Variants in ICMT observed in about 807,000 individuals in gnomAD.
The protein encoded by ICMT is protein-S-isoprenylcysteine O-methyltransferase.
A neutral mutation model predicts 32.2 loss-of-function variants in ICMT; 10 were observed. That is an observed-to-expected ratio of 0.31 (90% CI 0.19 to 0.53). ICMT has a LOEUF of 0.53. Ranked by LOEUF, ICMT falls within the 20% of genes least tolerant of loss-of-function variation. The probability of loss-of-function intolerance (pLI) is 0.96; values close to 1 mark genes in which losing one functional copy is unlikely to be tolerated. For missense variants in ICMT, 265 were observed against 356.9 expected (o/e 0.74, Z 2.07); for synonymous variants, 183 against 158.2 (o/e 1.16, Z -1.18).
chr1:6,233,655 C>A lies in ICMT; in HGVS notation c.285-12G>T, dbSNP rs995872469. ...GGGAGCACATGTACCTATTTAAAGACAAAAAGAGAGTTAAGTTGGGACAAG... is the reference window on the plus strand; with the variant it reads ...GGGAGCACATGTACCTATTTAAAGAAAAAAAGAGAGTTAAGTTGGGACAAG... On this transcript the variant is annotated splice_polypyrimidine_tract_variant and intron_variant, in intron 2 of 4. Coordinates refer to ENST00000343813, the MANE Select transcript of ICMT (RefSeq NM_012405.4). 3 of 1,601,930 alleles carry A rather than the reference C, an allele frequency of 1.9e-6. No homozygotes were observed. Among genetic ancestry groups the A allele is most frequent in the African/African-American group, 1.4e-5 (1 of 74,038 alleles).
intron 4 of ICMT, among the ~76,000 whole-genome samples, chr1:6,225,564 C>T (rs2100960032): frequency 6.6e-6 from 1 of 152,230 alleles, no homozygotes; most frequent in African/African-American, 2.4e-5. Context: ...TGTGAGCTCC[C>T]CAACATGAGG....
rs1668617535 is a variant in ICMT at position 6,224,775 on chromosome 1, G to C, written c.*305C>G. On this transcript the variant is annotated 3_prime_UTR_variant, in exon 5 of 5. Transcript: ENST00000343813. Reference sequence around the variant, plus strand: ...TCCTTTACTTACACTCTGGCCTCGGGGGCAGTGGCGTGTGGCCTCGGTCCT... The same window carrying C: ...TCCTTTACTTACACTCTGGCCTCGGCGGCAGTGGCGTGTGGCCTCGGTCCT... The C allele has an allele frequency of 3.2e-6, 1 of 310,100 alleles. No homozygotes were observed. The highest frequency in any genetic ancestry group is 5.9e-6 in the Non-Finnish European group (1 of 169,990). The allele number at this position is 310,100 out of a possible 1,614,324, so 19.2% of individuals were successfully genotyped here.
At chr1:6,226,974 G>A (rs985467532) in intron 4 of ICMT, among the ~76,000 whole-genome samples, 3 of 152,196 alleles carry the variant, frequency 2.0e-5, no homozygotes, top group Non-Finnish European at 4.4e-5. Context: ...CCTCACATCT[G>A]GCATAGCTTG....
chr1:6,230,210 G>A lies in ICMT; in HGVS notation c.672+1692C>T, dbSNP rs551490766. On this transcript the variant is annotated intron_variant, in intron 4 of 4. Transcript: ENST00000343813. ...GCTCACTGCAACCTCCACCTCCCAG[G>A]TTCAAGCGGTTCTCAGGTCTCAGCC... 2.6e-5 allele frequency among the ~76,000 whole-genome samples: 4 copies of A among 152,128 alleles called. No homozygotes were observed. In the South Asian group the frequency reaches 8.3e-4, roughly 32 times the overall value.
At position 6,225,007 on chromosome 1, in the gene ICMT, C is replaced by A; in HGVS notation, c.*73G>T. The A allele has an allele frequency of 7.8e-7, 1 of 1,280,404 alleles. No homozygotes were observed. Among genetic ancestry groups the A allele is most frequent in the Middle Eastern group, 2.3e-4 (1 of 4,256 alleles). The allele number at this position is 1,280,404 out of a possible 1,614,324, so 79.3% of individuals were successfully genotyped here. ...ACGATTAAGAAAATCCATGTGGCAG[C>A]GGCCAACCGGAAACAGTTTTGTCCC... On this transcript the variant is annotated 3_prime_UTR_variant, in exon 5 of 5. Transcript: ENST00000343813.
chr1:6,232,677 TA>T (rs1274001782), intron 3 of ICMT, among the ~76,000 whole-genome samples: 1 of 152,084 alleles, frequency 6.6e-6, no homozygotes, highest in Non-Finnish European at 1.5e-5. Context: ...GCCTCCCAAG[TA>T]GCTAGAATTA....
chr1:6,232,143 CACACGGGGAGTGAAA>C (rs1668748202), intron 3 of ICMT, 24 bp from the exon 4 acceptor site: 3 of 1,581,486 alleles, frequency 1.9e-6, no homozygotes, highest in Non-Finnish European at 2.6e-6. Context: ...ACATCAACGA[CACACGGGGAGTGAAA>C]ACACTGGCCT....
rs1668602184 is a variant in ICMT at position 6,223,982 on chromosome 1, A to G, written c.*1098T>C. The G allele has an allele frequency of 6.6e-6, 1 of 152,198 alleles. No individual in the cohort carries two copies. The allele number at this position is 152,198 out of a possible 1,614,324, so 9.4% of individuals were successfully genotyped here. A position where few individuals can be genotyped will look rare whatever the true frequency, so the allele number is the denominator to read the frequency against. ...CTTGCAAAACAAACATACTGACTGA[A>G]TCTTAGTTGGGACTATTTGCAGTAT... On this transcript the variant is annotated 3_prime_UTR_variant, in exon 5 of 5. Coordinates refer to ENST00000343813, the MANE Select transcript of ICMT (RefSeq NM_012405.4).
chr1:6,230,399 G>A (rs1045512982), intron 4 of ICMT, among the ~76,000 whole-genome samples: 4 of 152,026 alleles, frequency 2.6e-5, no homozygotes, highest in Non-Finnish European at 5.9e-5. Context: ...ACAGGCAACC[G>A]TCCAGGAGAA....
At chr1:6,233,439 T>C in intron 3 of ICMT, 35 bp downstream of exon 3, 1 of 1,584,710 alleles carries the variant, frequency 6.3e-7, no homozygotes, top group Non-Finnish European at 8.6e-7. Context: ...GAGCCACCCT[T>C]TTCCCCTCCA....
chr1:6,226,337 A>C (rs1668644812), intron 4 of ICMT, among the ~76,000 whole-genome samples: 1 of 152,146 alleles, frequency 6.6e-6, no homozygotes, highest in African/African-American at 2.4e-5. Flanking sequence ...CAGAGGTTGC[A>C]GTGAGCTGAG....
rs925722400 is a variant in ICMT at position 6,235,470 on chromosome 1, G to A, written c.195+247C>T. Among the ~76,000 whole-genome samples, 5 of 152,098 alleles carry A rather than the reference G, an allele frequency of 3.3e-5. 1 individual carries two copies. In the East Asian group the frequency reaches 9.7e-4, roughly 29 times the overall value. On this transcript the variant is annotated intron_variant, in intron 1 of 4. Transcript: ENST00000343813. ...CACCTTAAGTTACATAAAAGCACTC[G>A]CGGGCTCGCTCACTCCACCCCACGC...
chr1:6,234,205 C>T (rs1668780031), intron 2 of ICMT, among the ~76,000 whole-genome samples: 1 of 152,154 alleles, frequency 6.6e-6, no homozygotes. Context: ...ACAGGCAAAA[C>T]AAACCCATAG....
At chr1:6,229,838 G>A (rs1668705890) in intron 4 of ICMT, among the ~76,000 whole-genome samples, 1 of 151,142 alleles carries the variant, frequency 6.6e-6, no homozygotes, top group African/African-American at 2.4e-5. Context: ...AGCAGGTGCA[G>A]TGGCTCACAC....
intron 4 of ICMT, among the ~76,000 whole-genome samples, chr1:6,226,714 C>T (rs566242748): frequency 8.5e-5 from 13 of 152,282 alleles, no homozygotes; most frequent in South Asian, 6.2e-4. Context: ...TTTGAGGGCA[C>T]GCTACTATCC....
chr1:6,232,305 T>A (rs1219311884), intron 3 of ICMT, among the ~76,000 whole-genome samples, 186 bp from the exon 4 acceptor site: 1 of 152,244 alleles, frequency 6.6e-6, no homozygotes, highest in African/African-American at 2.4e-5. Context: ...ATGCTGTTCA[T>A]CAATTTACTT....
chr1:6,235,951 T>TAGACCGGAGAAACGCGCCGGCTGC lies in ICMT; in HGVS notation c.-41_-40insGCAGCCGGCGCGTTTCTCCGGTCT, dbSNP rs1553151057. 6.8e-6 allele frequency: 7 copies of TAGACCGGAGAAACGCGCCGGCTGC among 1,026,646 alleles called. No individual in the cohort carries two copies. The African/African-American group carries it at 1.1e-4, about 15-fold the overall frequency. The allele number at this position is 1,026,646 out of a possible 1,614,324, so 63.6% of individuals were successfully genotyped here. On this transcript the variant is annotated 5_prime_UTR_variant, in exon 1 of 5. Coordinates refer to ENST00000343813, the MANE Select transcript of ICMT (RefSeq NM_012405.4). ...GACTAGCGGGCGGCGGCGCCGGCTG[T>TAGACCGGAGAAACGCGCCGGCTGC]AGCCCGGAGAAACGCGCCGGCTGCG...
chr1:6,234,046 G>A (rs548960345), intron 2 of ICMT, among the ~76,000 whole-genome samples: 3 of 152,206 alleles, frequency 2.0e-5, no homozygotes, highest in South Asian at 2.1e-4. Flanking sequence ...ACAGGGTTTC[G>A]CTATGTTGGC....
chr1:6,231,552 A>AG (rs1183567284), intron 4 of ICMT, among the ~76,000 whole-genome samples: 2 of 152,046 alleles, frequency 1.3e-5, no homozygotes, highest in African/African-American at 4.8e-5. Context: ...ACCAAAAAAA[A>AG]AAAAAGAAAA....
Sources: allele counts gnomAD v4.1 joint callset (sites outside exome capture counted in the v4.1 genomes callset), GRCh38; gene constraint gnomAD v4.1.1; transcripts MANE v1.5; gene names NCBI Gene and HGNC (gene_info 2026-07-23, HGNC 2026-07-21).